EIF2D: variants seen among roughly 807,000 people sequenced by gnomAD.
EIF2D encodes hepatocellular carcinoma-associated antigen 56.
Under a neutral mutation model 77.4 loss-of-function variants are expected in EIF2D, and 56 were observed. That is an observed-to-expected ratio of 0.72 (90% confidence interval 0.58 to 0.90). The LOEUF (loss-of-function observed/expected upper bound fraction) is 0.90, where lower values mean the gene tolerates loss of function less well. Among genes scored for constraint, EIF2D ranks in the 40% least tolerant of loss-of-function variants. The pLI, the probability that EIF2D is intolerant of heterozygous loss-of-function variation, is 0.00. For missense variants in EIF2D, 574 were observed against 706.5 expected (o/e 0.81, Z 2.13); for synonymous variants, 230 against 271.0 (o/e 0.85, Z 1.49).
At chr1:206,608,928 T>G (rs1402009211) in intron 3 of EIF2D, among the ~76,000 whole-genome samples, 2 of 152,112 alleles carry the variant, frequency 1.3e-5, no homozygotes, top group African/African-American at 4.8e-5. Flanking sequence ...GATGCACACC[T>G]GTAATCCCAG....
At chr1:206,573,286 T>C (rs188103842) in intron 4 of EIF2D, among the ~76,000 whole-genome samples, 7 of 152,234 alleles carry the variant, frequency 4.6e-5, no homozygotes, top group Non-Finnish European at 7.4e-5. Context: ...CAATAAAGGA[T>C]TTTTATCCCA....
intron 4 of EIF2D, among the ~76,000 whole-genome samples, chr1:206,576,950 C>T (rs1171383213): frequency 6.6e-6 from 1 of 151,348 alleles, no homozygotes; most frequent in East Asian, 1.9e-4. Flanking sequence ...ACTACAGGTG[C>T]ACTTCACTGT....
rs782030079 is a variant in EIF2D at position 206,597,094 on chromosome 1, C to T, written c.1388+6G>A. On this transcript the variant is annotated splice_donor_region_variant and intron_variant, in intron 12 of 14. Transcript: ENST00000271764. ...AAGTTGGAGAGGGACTGCCAATGCTCGTTACCTGGTCAGAAGACTGTCCCA... is the reference window on the plus strand; with the variant it reads ...AAGTTGGAGAGGGACTGCCAATGCTTGTTACCTGGTCAGAAGACTGTCCCA... The T allele has an allele frequency of 4.3e-6, 7 of 1,612,652 alleles. No homozygotes were observed. The Admixed American group carries it at 5.0e-5, about 12-fold the overall frequency.
Position 206,584,959 on chromosome 1 carries a change from C to T in EIF2D, c.139-3797G>A, listed in dbSNP as rs782263578. On this transcript the variant is annotated intron_variant and NMD_transcript_variant, in intron 2 of 5. Transcript: ENST00000472709. The surrounding 1 kb of genome is among the most constrained non-coding windows in gnomAD (Gnocchi z 4.9). ...ATCTGCCCCACCATTCCTAATCTTT[C>T]AGGAGATGATGTGAATGGAATCATG... 2 of 606,316 alleles carry T rather than the reference C, an allele frequency of 3.3e-6. No homozygotes were observed. Among genetic ancestry groups the T allele is most frequent in the Non-Finnish European group, 5.8e-6 (2 of 342,354 alleles). The allele number at this position is 606,316 out of a possible 1,614,324, so 37.6% of individuals were successfully genotyped here.
chr1:206,602,915 G>A (rs553730230), intron 6 of EIF2D, 36 bp downstream of exon 6: 1 of 1,606,550 alleles, frequency 6.2e-7, no homozygotes, highest in Non-Finnish European at 8.5e-7. Context: ...AAATTGAGAG[G>A]TGGGGAGATG....
At chr1:206,577,796 T>G (rs1239307153) in intron 4 of EIF2D, among the ~76,000 whole-genome samples, 2 of 152,220 alleles carry the variant, frequency 1.3e-5, no homozygotes, top group Non-Finnish European at 2.9e-5. Context: ...TGAAGGTTCT[T>G]GAGCAAGTAT....
chr1:206,583,481 T>TC lies in EIF2D; in HGVS notation c.139-2320dup, dbSNP rs1244479114. On this transcript the variant is annotated intron_variant and NMD_transcript_variant, in intron 2 of 5. Coordinates refer to the EIF2D transcript ENST00000472709. Reference sequence around the variant, plus strand: ...AATTCTGTGGCTACTCCCTGGCAGGTCCCCTCCCTTTCCTCCGGCCTCCAG... The same window carrying TC: ...AATTCTGTGGCTACTCCCTGGCAGGTCCCCCTCCCTTTCCTCCGGCCTCCAG... The TC allele has an allele frequency of 9.5e-5, 76 of 802,096 alleles. No homozygotes were observed. The African/African-American group carries it at 1.0e-3, about 11-fold the overall frequency. The allele number at this position is 802,096 out of a possible 1,614,324, so 49.7% of individuals were successfully genotyped here.
intron 4 of EIF2D, among the ~76,000 whole-genome samples, chr1:206,573,521 C>A (rs1195613315): frequency 1.3e-5 from 2 of 152,354 alleles, no homozygotes; most frequent in East Asian, 3.9e-4. Flanking sequence ...AAATCCAAGG[C>A]TCACTACTGC....
In EIF2D at chr1:206,584,283, C is replaced by A; in HGVS notation, c.139-3121G>T. ...CCACGTCAGCAGAGGCAGGAAAGAA[C>A]TCAAGGAGACAGGTGGGTGCTGCTG... is the stretch of plus-strand genomic sequence containing the variant. On this transcript the variant is annotated intron_variant and NMD_transcript_variant, in intron 2 of 5. Transcript: ENST00000472709. The surrounding 1 kb of genome is among the most constrained non-coding windows in gnomAD (Gnocchi z 4.9). 1.7e-6 allele frequency: 2 copies of A among 1,149,842 alleles called. No individual in the cohort carries two copies. The highest frequency in any genetic ancestry group is 1.6e-5 in the South Asian group (1 of 64,356). 71.2% of individuals were successfully genotyped at this position (1,149,842 alleles called of 1,614,324 possible). A position where few individuals can be genotyped will look rare whatever the true frequency, so the allele number is the denominator to read the frequency against.
chr1:206,599,093 C>T lies in EIF2D; in HGVS notation c.1203-1G>A, dbSNP rs1438038038. The stretch of plus-strand genomic sequence containing the variant: ...ACTGCCCTCCAGAAAGCTCCCCTTC[C>T]TAGGTGAGGAGAAGTGACCCAGGGG... On this transcript the variant is annotated splice_acceptor_variant, in intron 10 of 14. Coordinates refer to ENST00000271764, the MANE Select transcript of EIF2D (RefSeq NM_006893.3). LOFTEE classifies it high-confidence loss of function. The surrounding 1 kb of genome is among the most constrained non-coding windows in gnomAD (Gnocchi z 4.1). 6 of 1,613,990 alleles carry T rather than the reference C, an allele frequency of 3.7e-6. No individual in the cohort carries two copies. The highest frequency in any genetic ancestry group is 5.1e-6 in the Non-Finnish European group (6 of 1,179,916).
intron 5 of EIF2D, among the ~76,000 whole-genome samples, chr1:206,572,092 AATGGGTCC>A (rs1381975743): frequency 6.6e-6 from 1 of 152,202 alleles, no homozygotes; most frequent in Non-Finnish European, 1.5e-5. Flanking sequence ...CTCAGAAGTA[AATGGGTCC>A]ATGGACCAGC....
exon 3 of EIF2D, chr1:206,580,975 CAG>C (rs1442209908): frequency 1.6e-4 from 24 of 152,252 alleles, no homozygotes; most frequent in African/African-American, 5.3e-4. Flanking sequence ...CCCCGCAGCA[CAG>C]AGTTTCAGTG....
intron 5 of EIF2D, among the ~76,000 whole-genome samples, chr1:206,604,019 T>C (rs1369705422): frequency 1.3e-5 from 2 of 152,176 alleles, no homozygotes; most frequent in Non-Finnish European, 2.9e-5. Flanking sequence ...CTGACCTTGA[T>C]TGCTGTTGCC....
At chr1:206,609,583 G>T in intron 2 of EIF2D, 124 bp from the exon 3 acceptor site, 1 of 771,756 alleles carries the variant, frequency 1.3e-6, no homozygotes, top group East Asian at 2.7e-5. Context: ...CAAAGCTAAA[G>T]AGAAGGTTGT....
At chr1:206,581,993 T>G (rs2103567841) in intron 2 of EIF2D, among the ~76,000 whole-genome samples, 1 of 152,228 alleles carries the variant, frequency 6.6e-6, no homozygotes, top group African/African-American at 2.4e-5. Flanking sequence ...GTCAGAGTCA[T>G]CCCTCACTGG....
chr1:206,603,379 T>G, intron 5 of EIF2D, 175 bp from the exon 6 acceptor site: 1 of 755,192 alleles, frequency 1.3e-6, no homozygotes, highest in Non-Finnish European at 2.0e-6. Flanking sequence ...TCTGGGCCCC[T>G]AAAAGTTCCA....
chr1:206,602,554 C>G (rs2102293220), intron 6 of EIF2D, 101 bp from the exon 7 acceptor site: 1 of 1,030,806 alleles, frequency 9.7e-7, no homozygotes, highest in South Asian at 1.4e-5. Context: ...CCACTTGGCT[C>G]TGAAAGGAAC....
intron 2 of EIF2D, chr1:206,583,112 C>T (rs1319718339): frequency 6.9e-6 from 4 of 576,368 alleles, no homozygotes; most frequent in Non-Finnish European, 6.3e-6. Context: ...TGCAATTTGA[C>T]CTCTCATTGT....
At position 206,593,015 on chromosome 1, in the gene EIF2D, T is replaced by C. The variant is rs559305803; in HGVS notation, c.1684+604A>G. On this transcript the variant is annotated intron_variant, in intron 14 of 14. Coordinates refer to ENST00000271764, the MANE Select transcript of EIF2D (RefSeq NM_006893.3). The stretch of plus-strand genomic sequence containing the variant: ...TACTCGGGAGGCTGAGGCAGGGGAA[T>C]GACTGGAACCTGGAAGGTGGAGGCT... Among the ~76,000 whole-genome samples, 520 of 151,772 alleles carry C rather than the reference T, an allele frequency of 3.4e-3. 3 individuals carry two copies. Among genetic ancestry groups the C allele is most frequent in the African/African-American group, 0.012 (507 of 41,382 alleles).
Sources: gnomAD v4.1 joint callset for allele counts (sites outside exome capture counted in the v4.1 genomes callset) on GRCh38, gnomAD v4.1.1 for gene constraint, Gnocchi (gnomAD v3.1) non-coding constraint, MANE v1.5 for transcripts, NCBI Gene and HGNC (gene_info 2026-07-23, HGNC 2026-07-21) for gene names.